Variants in CORO2B observed in about 807,000 individuals in gnomAD.
CORO2B encodes coronin 2B.
CORO2B carries 26 observed loss-of-function variants against 58.8 expected under a neutral mutation model. The ratio of observed to expected loss-of-function variants is 0.44; its 90% CI spans 0.32 to 0.61. The LOEUF (loss-of-function observed/expected upper bound fraction) is 0.61. Ranked by LOEUF, CORO2B falls within the 20% of genes least tolerant of loss-of-function variation. The pLI is 0.04. For synonymous variants in CORO2B, 242 were observed against 253.8 expected (o/e 0.95, Z 0.44); for missense variants, 460 against 645.1 (o/e 0.71, Z 3.11).
chr15:68,521,953 A>G, the CORO2B span, among the ~76,000 whole-genome samples: 1 of 152,066 alleles, frequency 6.6e-6, no homozygotes, highest in Non-Finnish European at 1.5e-5. Flanking sequence ...CAGACCAGGC[A>G]TGTGCCACCA....
chr15:68,717,542 G>A (rs565760097), intron 8 of CORO2B, among the ~76,000 whole-genome samples: 2 of 152,248 alleles, frequency 1.3e-5, no homozygotes, highest in African/African-American at 2.4e-5. Flanking sequence ...GAAAGAAGCA[G>A]GAAGGGCTCA....
rs573324491 is a variant in CORO2B at position 68,640,149 on chromosome 15, G to A, written c.16-5011G>A. ...ATGCAGGTCCTTCTGCAGACACCCA[G>A]CTTTGGCCCACAGTGTGTACTCGTG... On this transcript the variant is annotated intron_variant, in intron 1 of 11. Transcript: ENST00000261861. Among the ~76,000 whole-genome samples the A allele has an allele frequency of 3.3e-3, 505 of 152,268 alleles. 5 individuals are homozygous for A. Among genetic ancestry groups the A allele is most frequent in the African/African-American group, 0.011 (475 of 41,546 alleles).
intron 2 of CORO2B, among the ~76,000 whole-genome samples, chr15:68,647,017 G>A (rs771781323): frequency 5.3e-5 from 8 of 152,082 alleles, no homozygotes; most frequent in Non-Finnish European, 1.2e-4. Flanking sequence ...CAAACCTATC[G>A]CCGGCACCCT....
intron 8 of CORO2B, among the ~76,000 whole-genome samples, chr15:68,717,871 G>A (rs552956415): frequency 6.6e-6 from 1 of 152,300 alleles, no homozygotes; most frequent in South Asian, 2.1e-4. Context: ...GTCTGTGCTC[G>A]TCACGGTGCC....
At chr15:68,646,042 G>A (rs1055785183) in intron 2 of CORO2B, among the ~76,000 whole-genome samples, 1 of 152,006 alleles carries the variant, frequency 6.6e-6, no homozygotes, top group Admixed American at 6.6e-5. Context: ...CCAAAGTGCT[G>A]GGATTACAGG....
chr15:68,600,457 A>C (rs1899952738), intron 1 of CORO2B, among the ~76,000 whole-genome samples: 1 of 152,110 alleles, frequency 6.6e-6, no homozygotes, highest in Non-Finnish European at 1.5e-5. Context: ...AGCATGGATA[A>C]CCACCGCTGC....
At chr15:68,619,497 G>A (rs1900456626) in intron 1 of CORO2B, among the ~76,000 whole-genome samples, 1 of 152,084 alleles carries the variant, frequency 6.6e-6, no homozygotes, top group Non-Finnish European at 1.5e-5. Context: ...TGCCAGGTGC[G>A]TGCATCACAT....
intron 2 of CORO2B, among the ~76,000 whole-genome samples, chr15:68,647,519 G>A (rs965181638): frequency 9.2e-5 from 14 of 151,914 alleles, no homozygotes; most frequent in Admixed American, 3.9e-4. Flanking sequence ...GAGAAACTCC[G>A]TCTCTACTAA....
chr15:68,718,537 GA>G (rs766408223), intron 8 of CORO2B, among the ~76,000 whole-genome samples, 160 bp from the exon 9 acceptor site: 1 of 152,176 alleles, frequency 6.6e-6, no homozygotes, highest in Non-Finnish European at 1.5e-5. Flanking sequence ...GACAGAGACT[GA>G]TTGAAGGCGC....
chr15:68,632,051 T>TCCCA, intron 1 of CORO2B: 1 of 985,464 alleles, frequency 1.0e-6, no homozygotes, highest in Non-Finnish European at 1.2e-6. Flanking sequence ...CAGCCAGGCC[T>TCCCA]CCCAGGCTCC....
chr15:68,680,696 C>G (rs143270333), intron 2 of CORO2B, among the ~76,000 whole-genome samples: 2 of 152,296 alleles, frequency 1.3e-5, no homozygotes, highest in East Asian at 3.9e-4. Flanking sequence ...ATTTGAAGGT[C>G]AGAAAGACTA....
chr15:68,703,758 T>C (rs1892715483), intron 3 of CORO2B, among the ~76,000 whole-genome samples: 1 of 151,990 alleles, frequency 6.6e-6, no homozygotes, highest in Non-Finnish European at 1.5e-5. Flanking sequence ...ACCCTCAACA[T>C]GTCAGAAAGC....
chr15:68,593,072 A>G (rs1899744023), intron 1 of CORO2B, among the ~76,000 whole-genome samples: 1 of 152,230 alleles, frequency 6.6e-6, no homozygotes, highest in Non-Finnish European at 1.5e-5. Flanking sequence ...TGTGTGAGAC[A>G]GAGAGAGGAA....
chr15:68,662,138 TC>T (rs778693392), intron 2 of CORO2B, among the ~76,000 whole-genome samples: 1 of 152,218 alleles, frequency 6.6e-6, no homozygotes, highest in Non-Finnish European at 1.5e-5. Context: ...AAGCTGCTTT[TC>T]CTGTTATCAC....
chr15:68,588,856 A>AG (rs11451826), intron 1 of CORO2B, among the ~76,000 whole-genome samples: 109,541 of 151,984 alleles, frequency 0.72, 39,556 homozygotes, highest in East Asian at 0.86. Context: ...TAACTCCTGA[A>AG]AAATTGCTGG....
At chr15:68,552,477 T>TGGGG in the CORO2B span, among the ~76,000 whole-genome samples, 8 of 124,994 alleles carry the variant, frequency 6.4e-5, no homozygotes, top group Admixed American at 1.7e-4. Context: ...CGCGGGGGGG[T>TGGGG]GGGGGGGGCA....
At chr15:68,690,962 A>G (rs1001994149) in intron 2 of CORO2B, among the ~76,000 whole-genome samples, 2 of 151,380 alleles carry the variant, frequency 1.3e-5, no homozygotes, top group Middle Eastern at 3.2e-3. Context: ...CCTAGCCTAC[A>G]TTAGCTTTCT....
the CORO2B span, among the ~76,000 whole-genome samples, chr15:68,573,577 A>G: frequency 6.6e-6 from 1 of 152,084 alleles, no homozygotes; most frequent in Non-Finnish European, 1.5e-5. Context: ...AGGTGAATGC[A>G]GCAGAGAAGC....
intron 1 of CORO2B, among the ~76,000 whole-genome samples, chr15:68,608,830 C>T (rs139915484): frequency 6.6e-6 from 1 of 152,210 alleles, no homozygotes; most frequent in African/African-American, 2.4e-5. Flanking sequence ...GTTGAAATTC[C>T]GCACTCTCAT....
Sources: gnomAD v4.1 joint callset for allele counts (sites outside exome capture counted in the v4.1 genomes callset) on GRCh38, gnomAD v4.1.1 for gene constraint, MANE v1.5 for transcripts, NCBI Gene and HGNC (gene_info 2026-07-23, HGNC 2026-07-21) for gene names.